CKMT1A: variants seen among roughly 807,000 people sequenced by gnomAD.
CKMT1A encodes creatine kinase U-type, mitochondrial.
Under a neutral mutation model 21.8 loss-of-function variants are expected in CKMT1A, and 23 were observed. The ratio of observed to expected loss-of-function variants is 1.05; its 90% CI spans 0.76 to 1.49. CKMT1A has a LOEUF of 1.49. Among genes scored for constraint, CKMT1A ranks in the 40% most tolerant of loss-of-function variants. The pLI is 0.00. For synonymous variants in CKMT1A, 67 were observed against 80.4 expected (o/e 0.83, Z 0.89); for missense variants, 154 against 229.4 (o/e 0.67, Z 2.12).
Position 43,699,099 on chromosome 15 carries a change from G to A in CKMT1A, c.*10G>A, listed in dbSNP as rs1366751603. 16 of 1,613,244 alleles carry A rather than the reference G, an allele frequency of 9.9e-6. No homozygotes were observed. The highest frequency in any genetic ancestry group is 2.2e-5 in the East Asian group (1 of 44,870). ...CCACACCAAGCATTAACTCCCCATC[G>A]CCAGCTGATGACTCAAGATTCCAAG... On this transcript the variant is annotated 3_prime_UTR_variant, in exon 9 of 9. Coordinates refer to ENST00000413453, the MANE Select transcript of CKMT1A (RefSeq NM_001321926.2).
chr15:43,696,424 A>G lies in CKMT1A; in HGVS notation c.876+61A>G. On this transcript the variant is annotated intron_variant, in intron 6 of 8. Transcript: ENST00000413453. ...GACATAAGGAAAACCAAAGAGTAGC[A>G]TAAATAGATTATGTAATTTATCAAC... The G allele has an allele frequency of 5.0e-6, 8 of 1,607,532 alleles. 1 individual carries two copies. The highest frequency in any genetic ancestry group is 1.4e-5 in the African/African-American group (1 of 73,314).
rs890384898 is a variant in CKMT1A at position 43,697,323 on chromosome 15, A to G, written c.877-691A>G. The G allele has an allele frequency of 7.9e-6, 10 of 1,271,618 alleles. No homozygotes were observed. In the African/African-American group the frequency reaches 1.5e-4, roughly 20 times the overall value. 78.8% of individuals were successfully genotyped at this position (1,271,618 alleles called of 1,614,324 possible). The stretch of plus-strand genomic sequence containing the variant: ...AGTTTCCCCCCATGTTCAGCACATA[A>G]GATATCCCTGGTGGCATGGTTCCTT... On this transcript the variant is annotated intron_variant, in intron 6 of 8. Coordinates refer to ENST00000413453, the MANE Select transcript of CKMT1A (RefSeq NM_001321926.2).
chr15:43,698,162 G>A lies in CKMT1A; in HGVS notation c.1011+14G>A, dbSNP rs1249479824. 2.5e-6 allele frequency: 4 copies of A among 1,603,796 alleles called. No individual in the cohort carries two copies. Among genetic ancestry groups the A allele is most frequent in the Middle Eastern group, 1.7e-4 (1 of 5,996 alleles). On this transcript the variant is annotated intron_variant, in intron 7 of 8. Transcript: ENST00000413453. ...CTGCTAAGCAAAGTAAAGGAGTTGT[G>A]GGGTTACAGAGGGGTGTGAGTAAGG...
In CKMT1A at chr15:43,699,066, C is replaced by G. The variant is rs770739916; in HGVS notation, c.1231C>G (p.Pro411Ala). The stretch of plus-strand genomic sequence containing the variant: ...AGGCCAGGATATCCGCATCCCCACA[C>G]CTGTCATCCACACCAAGCATTAACT... ...ERGQDIRIPTPVIHTKH is the reference protein window; with the variant it reads ...ERGQDIRIPTAVIHTKH The change falls in exon 9 of 9, where the codon CCT becomes GCT. Residue 411 changes from proline to alanine, a missense_variant. Pro to Ala is a conservative substitution (Grantham distance 27). Transcript: ENST00000413453. 5 of 1,613,470 alleles carry G rather than the reference C, an allele frequency of 3.1e-6. No individual in the cohort carries two copies. In the Admixed American group the frequency reaches 8.3e-5, roughly 27 times the overall value.
rs556793318 is a variant in CKMT1A at position 43,699,031 on chromosome 15, G to A, written c.1196G>A (p.Arg399His). 1.4e-4 allele frequency: 228 copies of A among 1,613,390 alleles called. 3 individuals carry two copies. Among genetic ancestry groups the A allele is most frequent in the South Asian group, 1.4e-3 (124 of 91,042 alleles). ...AACTATTTGATTGATTGTGAACGGCGTCTGGAGAGAGGCCAGGATATCCGC... is the reference window on the plus strand; with the variant it reads ...AACTATTTGATTGATTGTGAACGGCATCTGGAGAGAGGCCAGGATATCCGC... Reference protein sequence around the residue: ...GVNYLIDCERRLERGQDIRIP... With the variant: ...GVNYLIDCERHLERGQDIRIP... Residue 399 changes from arginine to histidine, a missense_variant, in exon 9 of 9, where the codon CGT (arginine) becomes CAT (histidine). Arg to His is a conservative substitution (Grantham distance 29). Transcript: ENST00000413453.
rs750533024 is a variant in CKMT1A at position 43,698,671 on chromosome 15, C to T, written c.1042C>T (p.Leu348=). ...CCGCTTCCCAAAGATCCTGGAGAACCTAAGACTCCAAAAGCGTGGTACTGG... is the reference window on the plus strand; with the variant it reads ...CCGCTTCCCAAAGATCCTGGAGAACTTAAGACTCCAAAAGCGTGGTACTGG... ...DSRFPKILEN[L]RLQKRGTGGV... Residue 348 remains leucine (L), a synonymous_variant, in exon 8 of 9, where the codon CTA becomes TTA. Transcript: ENST00000413453. 2.5e-6 allele frequency: 4 copies of T among 1,613,390 alleles called. No homozygotes were observed. The African/African-American group carries it at 5.4e-5, about 22-fold the overall frequency.
chr15:43,696,508 G>A (rs565132424), intron 6 of CKMT1A, 145 bp downstream of exon 6: 3 of 1,301,278 alleles, frequency 2.3e-6, no homozygotes, highest in South Asian at 1.4e-5. Flanking sequence ...TAGGACTAAA[G>A]GTATAAACCA....
intron 8 of CKMT1A, 59 bp downstream of exon 8, chr15:43,698,825 G>A: frequency 6.2e-7 from 1 of 1,609,016 alleles, no homozygotes; most frequent in Non-Finnish European, 8.5e-7. Context: ...CTGAAATATG[G>A]CAGTGAGTGA....
Position 43,699,127 on chromosome 15 carries a change from G to A in CKMT1A, c.*38G>A. On this transcript the variant is annotated 3_prime_UTR_variant, in exon 9 of 9. Transcript: ENST00000413453. ...AGCTGATGACTCAAGATTCCAAGGA[G>A]TTCTGCTCATTCTAATGATGGCCCA... The A allele has an allele frequency of 1.2e-6, 2 of 1,613,330 alleles. No homozygotes were observed. Among genetic ancestry groups the A allele is most frequent in the South Asian group, 2.2e-5 (2 of 91,028 alleles).
intron 8 of CKMT1A, 39 bp downstream of exon 8, chr15:43,698,805 TCTGTGGGGG>T (rs768220085): frequency 1.9e-6 from 3 of 1,611,408 alleles, no homozygotes; most frequent in Admixed American, 1.7e-5. Context: ...GAGGTATAGG[TCTGTGGGGG>T]CTGAAATATG....
At position 43,696,469 on chromosome 15, in the gene CKMT1A, T is replaced by C. The variant is rs1006029270; in HGVS notation, c.876+106T>C. 8.9e-6 allele frequency: 14 copies of C among 1,567,266 alleles called. 1 individual carries two copies. The highest frequency in any genetic ancestry group is 2.8e-5 in the African/African-American group (2 of 71,812). On this transcript the variant is annotated intron_variant, in intron 6 of 8. Coordinates refer to ENST00000413453, the MANE Select transcript of CKMT1A (RefSeq NM_001321926.2). ...ATCAACCAACCCAAGACATGTCTGATGGTAAAAAGGACTACCTAGGACTCA... is the reference window on the plus strand; with the variant it reads ...ATCAACCAACCCAAGACATGTCTGACGGTAAAAAGGACTACCTAGGACTCA...
intron 6 of CKMT1A, chr15:43,697,436 A>C (rs2086464638): frequency 1.0e-6 from 1 of 984,768 alleles, no homozygotes; most frequent in Admixed American, 6.2e-5. Flanking sequence ...CTTGAACTCT[A>C]ATAGTCATCT....
Position 43,696,370 on chromosome 15 carries a change from G to A in CKMT1A, c.876+7G>A, listed in dbSNP as rs373122439. On this transcript the variant is annotated splice_region_variant and intron_variant, in intron 6 of 8. Coordinates refer to ENST00000413453, the MANE Select transcript of CKMT1A (RefSeq NM_001321926.2). ...CTGCCGAGGCCTCAAAGAGGTTAGAGAAGATTGTGTAGGGGAGCTAGGTGG... is the reference window on the plus strand; with the variant it reads ...CTGCCGAGGCCTCAAAGAGGTTAGAAAAGATTGTGTAGGGGAGCTAGGTGG... 1.2e-6 allele frequency: 2 copies of A among 1,611,094 alleles called. No homozygotes were observed. The highest frequency in any genetic ancestry group is 1.7e-6 in the Non-Finnish European group (2 of 1,179,144).
At chr15:43,698,523 A>G (rs949738053) in intron 7 of CKMT1A, 118 bp from the exon 8 acceptor site, 4 of 1,387,214 alleles carry the variant, frequency 2.9e-6, no homozygotes, top group Admixed American at 2.4e-5. Flanking sequence ...AAAAAAAAAA[A>G]GAAAAAAGGA....
chr15:43,696,795 T>C (rs2086453843), intron 6 of CKMT1A: 2 of 246,282 alleles, frequency 8.1e-6, no homozygotes, highest in East Asian at 9.9e-5. Context: ...CTGGATTCTA[T>C]CATTCTTGTT....
intron 6 of CKMT1A, chr15:43,696,606 G>C (rs979602830): frequency 1.6e-6 from 1 of 627,284 alleles, no homozygotes; most frequent in African/African-American, 1.9e-5. Flanking sequence ...GAAGAAGGCA[G>C]GTAATGCAAA....
Position 43,696,309 on chromosome 15 carries a change from G to A in CKMT1A, c.822G>A (p.Glu274=), listed in dbSNP as rs2086443176. The A allele has an allele frequency of 6.2e-7, 1 of 1,607,734 alleles. No individual in the cohort carries two copies. The highest frequency in any genetic ancestry group is 8.5e-7 in the Non-Finnish European group (1 of 1,177,500). Residue 274 remains glutamate, a synonymous_variant, in exon 6 of 9, where the codon GAG becomes GAA. Coordinates refer to ENST00000413453, the MANE Select transcript of CKMT1A (RefSeq NM_001321926.2). ...ATCATACACGGGTGATCTCCATGGA[G>A]AAGGGTGGTAACATGAAGAGAGTGT... ...EEDHTRVISM[E]KGGNMKRVFE... is the part of the protein sequence containing the mutation.
Position 43,699,149 on chromosome 15 carries a change from C to T in CKMT1A, c.*60C>T. On this transcript the variant is annotated 3_prime_UTR_variant, in exon 9 of 9. Transcript: ENST00000413453. ...GGAGTTCTGCTCATTCTAATGATGG[C>T]CCATTCTACTTGCTCTGGACCTGCC... The T allele has an allele frequency of 6.2e-7, 1 of 1,612,712 alleles. No individual in the cohort carries two copies. Among genetic ancestry groups the T allele is most frequent in the Non-Finnish European group, 8.5e-7 (1 of 1,179,410 alleles).
chr15:43,696,455 C>A, intron 6 of CKMT1A, 92 bp downstream of exon 6: 1 of 1,586,344 alleles, frequency 6.3e-7, no homozygotes, highest in Non-Finnish European at 8.6e-7. Flanking sequence ...TCAACCAACC[C>A]AAGACATGTC....
Sources: gnomAD v4.1 joint callset for allele counts on GRCh38, gnomAD v4.1.1 for gene constraint, MANE v1.5 for transcripts, NCBI Gene and HGNC (gene_info 2026-07-23, HGNC 2026-07-21) for gene names.